NTM: variants seen among roughly 807,000 people sequenced by gnomAD.
NTM encodes IgLON family member 2.
Under a neutral mutation model 42.1 loss-of-function variants are expected in NTM, and 13 were observed. That is an observed-to-expected ratio of 0.31 (90% CI 0.20 to 0.49). NTM has a LOEUF of 0.49. NTM is among the 20% of genes least tolerant of loss of function. NTM has a pLI of 0.99. For synonymous variants in NTM, 187 were observed against 179.2 expected (o/e 1.04, Z -0.35); for missense variants, 373 against 452.8 (o/e 0.82, Z 1.60).
At chr11:132,069,573 TCA>T (rs1289170077) in intron 2 of NTM, among the ~76,000 whole-genome samples, 2 of 150,418 alleles carry the variant, frequency 1.3e-5, no homozygotes, top group African/African-American at 4.9e-5. Flanking sequence ...AAACTGACCG[TCA>T]CAGGTTAGTT....
intron 1 of NTM, among the ~76,000 whole-genome samples, chr11:131,700,640 G>A (rs927525871): frequency 6.6e-6 from 1 of 152,244 alleles, no homozygotes; most frequent in Non-Finnish European, 1.5e-5. Context: ...GAAGGTGCTA[G>A]TATTGTATAG....
At chr11:132,029,611 A>G (rs1565982481) in intron 2 of NTM, among the ~76,000 whole-genome samples, 2 of 152,112 alleles carry the variant, frequency 1.3e-5, no homozygotes, top group Non-Finnish European at 2.9e-5. Flanking sequence ...GTTTGCTCCA[A>G]TAATTATCAC....
chr11:131,680,412 C>A (rs1281843562), intron 1 of NTM, among the ~76,000 whole-genome samples: 25 of 140,696 alleles, frequency 1.8e-4, no homozygotes, highest in South Asian at 9.2e-4. Flanking sequence ...TCTGTGTAGG[C>A]ATGTGTGCCT....
chr11:132,241,021 C>G (rs1418347443), intron 4 of NTM, among the ~76,000 whole-genome samples: 1 of 152,112 alleles, frequency 6.6e-6, no homozygotes, highest in South Asian at 2.1e-4. Context: ...TTGTTTCACA[C>G]AAAAAATATT....
intron 1 of NTM, among the ~76,000 whole-genome samples, chr11:131,845,850 G>T (rs906043119): frequency 3.3e-5 from 5 of 151,884 alleles, no homozygotes; most frequent in African/African-American, 1.2e-4. Flanking sequence ...ACATAAGAAT[G>T]ACCTCTAATT....
intron 1 of NTM, among the ~76,000 whole-genome samples, chr11:131,601,255 G>T (rs985685932): frequency 6.6e-6 from 1 of 152,168 alleles, no homozygotes; most frequent in Non-Finnish European, 1.5e-5. Context: ...ACCCCAGCAG[G>T]TGGTGTAGGA....
intron 1 of NTM, among the ~76,000 whole-genome samples, chr11:131,450,713 T>C (rs577030562): frequency 1.6e-4 from 24 of 152,330 alleles, no homozygotes; most frequent in Non-Finnish European, 2.6e-4. Flanking sequence ...CTTCGTATAA[T>C]AGATCAGTGG....
intron 1 of NTM, chr11:131,660,188 G>GC (rs1565387436): frequency 7.8e-6 from 2 of 255,462 alleles, no homozygotes; most frequent in African/African-American, 4.4e-5. Context: ...CGTAGGACTC[G>GC]GGTGGGCCAG....
intron 1 of NTM, among the ~76,000 whole-genome samples, chr11:131,705,937 G>T (rs1036999375): frequency 1.3e-5 from 2 of 151,990 alleles, no homozygotes; most frequent in African/African-American, 4.8e-5. Flanking sequence ...GGAGAACAAT[G>T]CAGTCAGAAA....
intron 6 of NTM, among the ~76,000 whole-genome samples, chr11:132,311,089 A>C (rs577612137): frequency 6.6e-6 from 1 of 152,278 alleles, no homozygotes; most frequent in East Asian, 1.9e-4. Context: ...GCTGAGAAGG[A>C]AAAACAATGA....
chr11:132,231,221 C>T (rs1338500974), intron 4 of NTM, among the ~76,000 whole-genome samples: 1 of 152,188 alleles, frequency 6.6e-6, no homozygotes, highest in Non-Finnish European at 1.5e-5. Context: ...GACCTTTTCA[C>T]AATACTCCAT....
At chr11:132,103,866 CAG>C (rs2136610522) in intron 2 of NTM, among the ~76,000 whole-genome samples, 1 of 152,320 alleles carries the variant, frequency 6.6e-6, no homozygotes, top group South Asian at 2.1e-4. Context: ...TGACACACAA[CAG>C]AGGGTGGGCA....
At chr11:131,691,261 A>G (rs2074657318) in intron 1 of NTM, among the ~76,000 whole-genome samples, 1 of 152,200 alleles carries the variant, frequency 6.6e-6, no homozygotes, top group African/African-American at 2.4e-5. Context: ...AACGTAGTTC[A>G]GATCCTCAGG....
chr11:131,817,949 G>C (rs2093018788), intron 1 of NTM, among the ~76,000 whole-genome samples: 1 of 152,212 alleles, frequency 6.6e-6, no homozygotes, highest in African/African-American at 2.4e-5. Flanking sequence ...ATAAATAAGT[G>C]TCAGTCCCAT....
At position 131,740,412 on chromosome 11, in the gene NTM, T is replaced by C. The variant is rs191705318; in HGVS notation, c.83-171152T>C. On this transcript the variant is annotated intron_variant, in intron 1 of 8. Transcript: ENST00000683400. ...TTCCATTTTTAAATTAATAAATGGC[T>C]GTTAGTAATATTATTATTTTATTAG... 6.6e-5 allele frequency among the ~76,000 whole-genome samples: 10 copies of C among 152,340 alleles called. No homozygotes were observed. The East Asian group carries it at 1.3e-3, about 21-fold the overall frequency.
intron 1 of NTM, among the ~76,000 whole-genome samples, chr11:131,524,649 G>A (rs2050209570): frequency 6.6e-6 from 1 of 152,228 alleles, no homozygotes; most frequent in Non-Finnish European, 1.5e-5. Context: ...AGACCTGCCT[G>A]AGTCTGAGAC....
At chr11:132,325,381 G>C (rs1177835792) in intron 7 of NTM, among the ~76,000 whole-genome samples, 1 of 152,218 alleles carries the variant, frequency 6.6e-6, no homozygotes, top group Non-Finnish European at 1.5e-5. Flanking sequence ...CTTCTCAAAA[G>C]AAGAGATTTA....
intron 3 of NTM, among the ~76,000 whole-genome samples, chr11:132,188,836 C>A (rs2078846437): frequency 6.6e-6 from 1 of 152,208 alleles, no homozygotes; most frequent in Non-Finnish European, 1.5e-5. Flanking sequence ...TATAGCACTG[C>A]ACCCTGGGCT....
chr11:132,139,427 T>C (rs892667030), intron 2 of NTM, among the ~76,000 whole-genome samples: 4 of 152,254 alleles, frequency 2.6e-5, no homozygotes, highest in Non-Finnish European at 5.9e-5. Context: ...TGGGCTTTTG[T>C]TGTAGGTACA....
Sources: gnomAD v4.1 joint callset for allele counts (sites outside exome capture counted in the v4.1 genomes callset) on GRCh38, gnomAD v4.1.1 for gene constraint, MANE v1.5 for transcripts, NCBI Gene and HGNC (gene_info 2026-07-23, HGNC 2026-07-21) for gene names.